The following KALRN variants were observed in gnomAD, a reference collection of about 807,000 sequenced individuals.
KALRN encodes the protein kalirin RhoGEF kinase, also known as kalirin.
A neutral mutation model predicts 353.7 loss-of-function variants in KALRN; 70 were observed. The observed-to-expected ratio is 0.20, with a 90% confidence interval of 0.16 to 0.24. KALRN has a LOEUF of 0.24. Ranked by LOEUF, KALRN falls within the 10% of genes least tolerant of loss-of-function variation. KALRN has a pLI of 1.00. For synonymous variants in KALRN, 1,391 were observed against 1,434.8 expected (o/e 0.97, Z 0.69); for missense variants, 2,791 against 3,756.7 (o/e 0.74, Z 6.72).
At chr3:124,491,492 C>A in intron 31 of KALRN, 68 bp downstream of exon 31, 2 of 1,196,728 alleles carry the variant, frequency 1.7e-6, no homozygotes, top group Non-Finnish European at 2.3e-6. Context: ...GGGCAAGTGA[C>A]ACCTCAAAGC....
At chr3:124,417,841 G>T (rs2150317843) in intron 14 of KALRN, among the ~76,000 whole-genome samples, 1 of 152,346 alleles carries the variant, frequency 6.6e-6, no homozygotes, top group South Asian at 2.1e-4. Flanking sequence ...AGGATGGAAA[G>T]GGTTCAGTGA....
intron 8 of KALRN, among the ~76,000 whole-genome samples, chr3:124,330,671 C>T (rs1361885242): frequency 1.3e-5 from 2 of 151,920 alleles, no homozygotes; most frequent in East Asian, 3.9e-4. Flanking sequence ...TGTAGATACA[C>T]ATAAGTTAGT....
intron 18 of KALRN, among the ~76,000 whole-genome samples, 170 bp downstream of exon 18, chr3:124,439,207 C>T (rs891685594): frequency 6.8e-6 from 1 of 146,042 alleles, no homozygotes. Context: ...CTCTCACACA[C>T]ACACACACAC....
At chr3:124,368,378 C>T (rs1270924915) in intron 10 of KALRN, among the ~76,000 whole-genome samples, 13 of 148,014 alleles carry the variant, frequency 8.8e-5, no homozygotes, top group Admixed American at 6.0e-4. Context: ...CCTCACCTCC[C>T]AGACGGGGTC....
chr3:124,719,201 A>G lies in KALRN; in HGVS notation c.8692A>G (p.Ser2898Gly). ...TCINVCRVDF[S>G]FPHEYFCGVS... ...TATCAACGTATGCAGGGTGGATTTC[A>G]GCTTCCCCCATGAATACTTCTGTGG... The change falls in exon 60 of 60, where the codon AGC becomes GGC. Residue 2898 changes from serine (S) to glycine (G), a missense_variant. Ser to Gly is a moderately conservative substitution (Grantham distance 56, BLOSUM62 0). This residue lies in a region of KALRN where 188 missense variants were observed against 402.9 expected (regional missense o/e 0.47). Coordinates refer to ENST00000682506, the MANE Select transcript of KALRN (RefSeq NM_001388419.1). This position sits in a 1 kb window ranked among gnomAD's most constrained non-coding sequence, Gnocchi z 5.3. 1 of 1,614,238 alleles carries G rather than the reference A, an allele frequency of 6.2e-7. No individual in the cohort carries two copies. Among genetic ancestry groups the G allele is most frequent in the Non-Finnish European group, 8.5e-7 (1 of 1,180,032 alleles).
chr3:124,617,107 G>A (rs2078696702), intron 34 of KALRN, among the ~76,000 whole-genome samples: 1 of 152,118 alleles, frequency 6.6e-6, no homozygotes, highest in African/African-American at 2.4e-5. Context: ...TGAGGCAGGT[G>A]GATCACTTGA....
At chr3:124,711,474 TTCAGACTGTTC>T (rs766461482) in intron 57 of KALRN, among the ~76,000 whole-genome samples, 26 of 152,206 alleles carry the variant, frequency 1.7e-4, no homozygotes, top group Non-Finnish European at 2.9e-4. Flanking sequence ...TGGGCTGGTC[TTCAGACTGTTC>T]TCTCCTCTGC....
intron 11 of KALRN, among the ~76,000 whole-genome samples, chr3:124,391,168 G>A (rs2089313791): frequency 3.3e-5 from 5 of 151,884 alleles, no homozygotes; most frequent in Admixed American, 3.3e-4. Context: ...CAAGAAGTGA[G>A]CGGGACTCTA....
chr3:124,083,367 G>A (rs1161217083), intron 1 of KALRN, among the ~76,000 whole-genome samples: 3 of 152,128 alleles, frequency 2.0e-5, no homozygotes. Flanking sequence ...AGCTGAGTTG[G>A]CCAGGAAGGC....
At chr3:124,231,372 T>G (rs982011388) in intron 2 of KALRN, among the ~76,000 whole-genome samples, 2 of 152,212 alleles carry the variant, frequency 1.3e-5, no homozygotes, top group African/African-American at 4.8e-5. Context: ...TTCATCCTAT[T>G]GTCTTTATGT....
At chr3:124,070,083 A>T (rs1344584576) in intron 1 of KALRN, among the ~76,000 whole-genome samples, 1 of 152,196 alleles carries the variant, frequency 6.6e-6, no homozygotes, top group Non-Finnish European at 1.5e-5. Flanking sequence ...GGCAGAGGAA[A>T]AATTAAGGTA....
chr3:124,543,362 C>T lies in KALRN; in HGVS notation c.4936-19481C>T, dbSNP rs1418379295. 4.7e-5 allele frequency among the ~76,000 whole-genome samples: 7 copies of T among 150,530 alleles called. No individual in the cohort carries two copies. In the East Asian group the frequency reaches 5.9e-4, roughly 13 times the overall value. The stretch of plus-strand genomic sequence containing the variant: ...TGTCCCCCAGGCTGGAGTGCGGTGG[C>T]GTGATCTCGGCTCACTGCAAGCTCC... On this transcript the variant is annotated intron_variant, in intron 33 of 59. Transcript: ENST00000682506.
chr3:124,493,239 G>A (rs1438888252), intron 32 of KALRN, among the ~76,000 whole-genome samples: 1 of 152,188 alleles, frequency 6.6e-6, no homozygotes, highest in African/African-American at 2.4e-5. Context: ...TTCAAAGAAA[G>A]GGGACTTTAG....
chr3:124,330,246 T>TCTCTCACA (rs1421313474), intron 8 of KALRN, among the ~76,000 whole-genome samples: 29 of 134,384 alleles, frequency 2.2e-4, no homozygotes, highest in African/African-American at 6.9e-4. Flanking sequence ...TCTCTCTCTC[T>TCTCTCACA]CACACACACA....
chr3:124,574,484 TC>T (rs1443312014), intron 34 of KALRN, among the ~76,000 whole-genome samples: 1 of 146,986 alleles, frequency 6.8e-6, no homozygotes, highest in Non-Finnish European at 1.5e-5. Flanking sequence ...AGAGGGGAAG[TC>T]AGGGGCAAAC....
intron 8 of KALRN, among the ~76,000 whole-genome samples, chr3:124,331,328 C>G (rs1355888053): frequency 6.6e-6 from 1 of 152,090 alleles, no homozygotes; most frequent in Non-Finnish European, 1.5e-5. Flanking sequence ...AGTTGGAGAC[C>G]ATTATTCTAA....
rs1187690098 is a variant in KALRN at position 124,726,286 on chromosome 3, T to C, written c.*6816T>C. On this transcript the variant is annotated 3_prime_UTR_variant, in exon 60 of 60. Coordinates refer to ENST00000682506, the MANE Select transcript of KALRN (RefSeq NM_001388419.1). ...GAAACTTCAAAATGTACATCTCACA[T>C]GTTATGCATTCCTATAAATATACTA... 5.3e-5 allele frequency: 8 copies of C among 152,342 alleles called. No individual in the cohort carries two copies. The highest frequency in any genetic ancestry group is 1.7e-4 in the African/African-American group (7 of 41,580). 9.4% of individuals were successfully genotyped at this position (152,342 alleles called of 1,614,324 possible). A position where few individuals can be genotyped will look rare whatever the true frequency, so the allele number is the denominator to read the frequency against.
intron 32 of KALRN, 31 bp from the exon 33 acceptor site, chr3:124,496,280 C>G: frequency 6.4e-7 from 1 of 1,559,500 alleles, no homozygotes; most frequent in Non-Finnish European, 8.8e-7. Flanking sequence ...CCCCCACCCC[C>G]ACCCCTGTTT....
chr3:124,407,895 C>G (rs1294202144), intron 13 of KALRN: 7 of 152,222 alleles, frequency 4.6e-5, no homozygotes, highest in Admixed American at 4.6e-4. Flanking sequence ...GCCTCAGCCT[C>G]CCGAGTAGCT....
Sources: gnomAD v4.1 joint callset for allele counts (sites outside exome capture counted in the v4.1 genomes callset) on GRCh38, gnomAD v4.1.1 for gene constraint, gnomAD v4.1.1 regional missense constraint, Gnocchi (gnomAD v3.1) non-coding constraint, MANE v1.5 for transcripts, NCBI Gene and HGNC (gene_info 2026-07-23, HGNC 2026-07-21) for gene names.